LHFPL1: variants seen among roughly 807,000 people sequenced by gnomAD.
The protein encoded by LHFPL1 is LHFPL tetraspan subfamily member 1 protein.
A neutral mutation model predicts 12.1 loss-of-function variants in LHFPL1; 4 were observed. That is an observed-to-expected ratio of 0.33 (90% CI 0.16 to 0.76). The LOEUF is 0.76. LHFPL1 is among the 30% of genes least tolerant of loss of function. LHFPL1 has a pLI of 0.61. For missense variants in LHFPL1, 141 were observed against 174.1 expected, an observed-to-expected ratio of 0.81 and a Z score of 1.07; for synonymous variants, 52 against 61.9, an observed-to-expected ratio of 0.84 and a Z score of 0.75.
At chrX:112,662,180 T>A (rs1437334237) in intron 2 of LHFPL1, among the ~76,000 whole-genome samples, 1 of 112,467 alleles carries the variant, frequency 8.9e-6, no homozygotes, top group Admixed American at 9.4e-5. Flanking sequence ...GGTGCCACAC[T>A]AATGAACATG....
At chrX:112,661,425 T>G (rs1026916165) in intron 2 of LHFPL1, among the ~76,000 whole-genome samples, 2 of 112,012 alleles carry the variant, frequency 1.8e-5, no homozygotes, top group African/African-American at 3.2e-5. Flanking sequence ...CACTGCCTTC[T>G]AAGGGCAACT....
chrX:112,655,273 A>C lies in LHFPL1; in HGVS notation c.481+5354T>G, dbSNP rs767670629. On this transcript the variant is annotated intron_variant, in intron 3 of 3. Transcript: ENST00000371968. Reference sequence around the variant, plus strand: ...ACTTAAAGCAGCTGTACACCAGTGAAGATTTGGGGAATAGGAATTGGAGAC... The same window carrying C: ...ACTTAAAGCAGCTGTACACCAGTGACGATTTGGGGAATAGGAATTGGAGAC... 8.0e-5 allele frequency among the ~76,000 whole-genome samples: 9 copies of C among 112,225 alleles called. No individual in the cohort carries two copies. In the South Asian group the frequency reaches 2.2e-3, roughly 28 times the overall value.
chrX:112,666,666 A>G (rs999624626), intron 2 of LHFPL1, among the ~76,000 whole-genome samples: 2 of 111,822 alleles, frequency 1.8e-5, no homozygotes, highest in Admixed American at 1.9e-4. Context: ...CATTTCTTAC[A>G]CAGAGTAGTG....
Position 112,631,563 on chromosome X carries a change from C to T in LHFPL1, c.520G>A (p.Gly174Ser), listed in dbSNP as rs375717429. 80 of 1,207,619 alleles carry T rather than the reference C, an allele frequency of 6.6e-5. No homozygotes were observed. The highest frequency in any genetic ancestry group is 1.8e-5 in the South Asian group (1 of 56,312). ...ATCAACATGGCTGCAGCTGCTCCAC[C>T]TCCAGCACAGTAATAGGCCCAGCCA... ...RLGWAYYCAG[G>S]GAAAAMLICT... Residue 174 changes from glycine (G) to serine (S), a missense_variant, in exon 4 of 4, where the codon GGT becomes AGT. Coordinates refer to ENST00000371968, the MANE Select transcript of LHFPL1 (RefSeq NM_178175.4).
At chrX:112,639,813 G>A (rs1165413297) in intron 3 of LHFPL1, among the ~76,000 whole-genome samples, 3 of 112,215 alleles carry the variant, frequency 2.7e-5, no homozygotes, top group Non-Finnish European at 5.6e-5. Flanking sequence ...AGCTGCCTCT[G>A]AAAAACACTT....
rs1174790785 is a variant in LHFPL1, at chrX:112,649,436, C to T, written c.481+11191G>A. On this transcript the variant is annotated intron_variant, in intron 3 of 3. Transcript: ENST00000371968. ...TTTCACTGAAGGCCATAAGCCTCCT[C>T]CAATTGTGAACAATTGCCTTCTAAT... 3.6e-5 allele frequency among the ~76,000 whole-genome samples: 4 copies of T among 112,086 alleles called. No homozygotes were observed. In the East Asian group the frequency reaches 8.3e-4, roughly 23 times the overall value.
In LHFPL1 at chrX:112,649,782, T is replaced by G. The variant is rs781591890; in HGVS notation, c.481+10845A>C. Among the ~76,000 whole-genome samples the G allele has an allele frequency of 3.4e-4, 38 of 111,851 alleles. 1 individual carries two copies. Among genetic ancestry groups the G allele is most frequent in the Admixed American group, 3.3e-3 (35 of 10,538 alleles). On this transcript the variant is annotated intron_variant, in intron 3 of 3. Coordinates refer to ENST00000371968, the MANE Select transcript of LHFPL1 (RefSeq NM_178175.4). ...TTTTGTTATTTATATGTATTTTGTC[T>G]TTTATAACTTTTTTCTTCTCTACAA...
chrX:112,661,869 G>C (rs184205230), intron 2 of LHFPL1: 2 of 112,480 alleles, frequency 1.8e-5, no homozygotes, highest in East Asian at 2.8e-4. Context: ...AATCAAGTCT[G>C]TGTCAAGCTA....
At chrX:112,655,549 T>C (rs1020101560) in intron 3 of LHFPL1, among the ~76,000 whole-genome samples, 3 of 111,559 alleles carry the variant, frequency 2.7e-5, no homozygotes, top group African/African-American at 9.8e-5. Context: ...TAAATCCTTT[T>C]TACTTACTCT....
At chrX:112,645,284 C>T (rs1412635924) in intron 3 of LHFPL1, among the ~76,000 whole-genome samples, 2 of 112,248 alleles carry the variant, frequency 1.8e-5, no homozygotes, top group Non-Finnish European at 3.8e-5. Context: ...TGGTAAGGCT[C>T]ATATTTGAAC....
chrX:112,667,068 T>C (rs765552077), intron 2 of LHFPL1, among the ~76,000 whole-genome samples: 1 of 111,713 alleles, frequency 9.0e-6, no homozygotes, highest in South Asian at 3.8e-4. Flanking sequence ...ATAAATAAAA[T>C]GATATCTGGT....
chrX:112,676,387 C>T (rs922790737), intron 1 of LHFPL1, among the ~76,000 whole-genome samples: 1 of 111,593 alleles, frequency 9.0e-6, no homozygotes, highest in African/African-American at 3.3e-5. Context: ...GTAGAGTGGT[C>T]AAGTTACCAG....
intron 3 of LHFPL1, among the ~76,000 whole-genome samples, chrX:112,659,330 C>T (rs1931106670): frequency 1.8e-5 from 2 of 110,857 alleles, no homozygotes; most frequent in African/African-American, 6.6e-5. Context: ...CGTAGTGGCG[C>T]GAGCCTGTAG....
intron 3 of LHFPL1, among the ~76,000 whole-genome samples, chrX:112,636,368 A>G (rs1355035778): frequency 8.9e-6 from 1 of 112,322 alleles, no homozygotes; most frequent in East Asian, 2.8e-4. Context: ...CACAACAAAA[A>G]ATGATCTGGC....
chrX:112,639,997 T>C (rs377174359), intron 3 of LHFPL1, among the ~76,000 whole-genome samples: 45 of 111,890 alleles, frequency 4.0e-4, no homozygotes, highest in African/African-American at 1.4e-3. Flanking sequence ...AGGAAATTGG[T>C]TCCTCTCCCC....
intron 3 of LHFPL1, among the ~76,000 whole-genome samples, chrX:112,657,730 C>A (rs1048249357): frequency 9.0e-6 from 1 of 111,018 alleles, no homozygotes; most frequent in Admixed American, 9.6e-5. Context: ...TGGATATTCA[C>A]ATCCAAAAGA....
chrX:112,646,721 A>T (rs1370830366), intron 3 of LHFPL1, among the ~76,000 whole-genome samples: 3 of 107,876 alleles, frequency 2.8e-5, no homozygotes, highest in Non-Finnish European at 3.8e-5. Context: ...ATACTAAAAG[A>T]TTGATGGGGG....
At chrX:112,674,657 T>C (rs1931608067) in intron 1 of LHFPL1, among the ~76,000 whole-genome samples, 1 of 111,159 alleles carries the variant, frequency 9.0e-6, no homozygotes, top group African/African-American at 3.3e-5. Flanking sequence ...AAAAAAGATA[T>C]ACAAATGGCC....
chrX:112,650,138 C>T (rs1337761871), intron 3 of LHFPL1, among the ~76,000 whole-genome samples: 9 of 110,869 alleles, frequency 8.1e-5, no homozygotes, highest in Admixed American at 2.9e-4. Context: ...ATTAAGAAAT[C>T]ACTTGAAATA....
Sources: gnomAD v4.1 joint callset for allele counts (sites outside exome capture counted in the v4.1 genomes callset) on GRCh38, gnomAD v4.1.1 for gene constraint, MANE v1.5 for transcripts, NCBI Gene and HGNC (gene_info 2026-07-23, HGNC 2026-07-21) for gene names.